Variants in GAS7 observed in about 807,000 individuals in gnomAD.
GAS7 encodes the protein growth arrest specific 7.
GAS7 carries 28 observed loss-of-function variants against 71.1 expected under a neutral mutation model. The observed-to-expected ratio is 0.39, with a 90% confidence interval of 0.29 to 0.54. GAS7 has a LOEUF of 0.54. Among genes scored for constraint, GAS7 ranks in the 20% least tolerant of loss-of-function variants. GAS7 has a pLI of 0.62. For missense variants in GAS7, 436 were observed against 627.8 expected (o/e 0.69, Z 3.27); for synonymous variants, 258 against 245.8 (o/e 1.05, Z -0.46).
chr17:10,162,688 G>A (rs1285754441), intron 1 of GAS7, among the ~76,000 whole-genome samples: 2 of 152,200 alleles, frequency 1.3e-5, no homozygotes, highest in African/African-American at 4.8e-5. Flanking sequence ...CATAAAAGAA[G>A]AGCAGAAATT....
At chr17:9,936,603 G>A (rs1025353189) in intron 8 of GAS7, among the ~76,000 whole-genome samples, 3 of 152,264 alleles carry the variant, frequency 2.0e-5, no homozygotes, top group Non-Finnish European at 4.4e-5. Flanking sequence ...ATGCCTCCCT[G>A]CTCTCCAATA....
intron 1 of GAS7, among the ~76,000 whole-genome samples, chr17:10,130,093 C>T (rs1325971090): frequency 2.7e-5 from 4 of 150,086 alleles, no homozygotes; most frequent in Non-Finnish European, 5.9e-5. Flanking sequence ...CTCTTGGACC[C>T]GGGAGGTGGA....
chr17:9,991,299 G>A (rs536155646), intron 2 of GAS7, among the ~76,000 whole-genome samples: 2 of 152,236 alleles, frequency 1.3e-5, no homozygotes, highest in Middle Eastern at 3.4e-3. Context: ...GCAGTGTCAG[G>A]CTATCCCTTA....
intron 1 of GAS7, among the ~76,000 whole-genome samples, chr17:10,051,831 A>T (rs1429721224): frequency 4.6e-5 from 7 of 152,180 alleles, no homozygotes; most frequent in African/African-American, 1.7e-4. Context: ...GCTGGATAAC[A>T]GGCAGGAAAA....
At chr17:10,184,537 G>A (rs1336012322) in intron 1 of GAS7, among the ~76,000 whole-genome samples, 1 of 152,176 alleles carries the variant, frequency 6.6e-6, no homozygotes, top group Non-Finnish European at 1.5e-5. Flanking sequence ...ACCCCTAAGG[G>A]TATTCAAATG....
intron 1 of GAS7, among the ~76,000 whole-genome samples, chr17:10,021,269 G>A (rs2072255342): frequency 6.6e-6 from 1 of 152,130 alleles, no homozygotes; most frequent in Admixed American, 6.6e-5. Context: ...TGCCCATAGT[G>A]GTGGTCCCTG....
intron 1 of GAS7, among the ~76,000 whole-genome samples, chr17:10,052,533 C>T (rs977822546): frequency 6.6e-6 from 1 of 152,228 alleles, no homozygotes; most frequent in South Asian, 2.1e-4. Flanking sequence ...CAACTGAGTG[C>T]CACACACTGC....
intron 2 of GAS7, among the ~76,000 whole-genome samples, chr17:9,995,452 A>C (rs1188086242): frequency 1.3e-5 from 2 of 152,124 alleles, no homozygotes; most frequent in Non-Finnish European, 2.9e-5. Context: ...TGTGGTATGA[A>C]CTACCTATCA....
chr17:10,154,193 C>T (rs1018998415), intron 1 of GAS7, among the ~76,000 whole-genome samples: 1 of 151,906 alleles, frequency 6.6e-6, no homozygotes, highest in Admixed American at 6.6e-5. Flanking sequence ...TTAAAATATA[C>T]ATATTAAAAA....
At chr17:10,162,151 G>A (rs1038851274) in intron 1 of GAS7, among the ~76,000 whole-genome samples, 5 of 150,352 alleles carry the variant, frequency 3.3e-5, no homozygotes, top group African/African-American at 1.2e-4. Flanking sequence ...TGCTAATATC[G>A]CCCAGGCACA....
At position 9,935,262 on chromosome 17, in the gene GAS7, C is replaced by G. The variant is rs144924795; in HGVS notation, c.807-1018G>C. 7.7e-4 allele frequency among the ~76,000 whole-genome samples: 117 copies of G among 152,342 alleles called. 1 individual carries two copies. Among genetic ancestry groups the G allele is most frequent in the African/African-American group, 2.7e-3 (113 of 41,582 alleles). Reference sequence around the variant, plus strand: ...GAGCCCTGATGCTGCCCACAGCTTACTAGAGAAGGGCCAAGTCCTCTTAGC... The same window carrying G: ...GAGCCCTGATGCTGCCCACAGCTTAGTAGAGAAGGGCCAAGTCCTCTTAGC... On this transcript the variant is annotated intron_variant, in intron 8 of 13. Transcript: ENST00000432992.
intron 1 of GAS7, among the ~76,000 whole-genome samples, chr17:10,152,483 A>G: frequency 6.6e-6 from 1 of 152,208 alleles, no homozygotes; most frequent in South Asian, 2.1e-4. Context: ...TAGAGTTCCC[A>G]GTACTTAGCT....
Position 9,969,972 on chromosome 17 carries a change from CT to C in GAS7, c.386-211del, listed in dbSNP as rs2069892455. 6.6e-6 allele frequency among the ~76,000 whole-genome samples: 1 copy of C among 152,198 alleles called. No homozygotes were observed. The highest frequency in any genetic ancestry group is 2.4e-5 in the African/African-American group (1 of 41,442). On this transcript the variant is annotated intron_variant, in intron 3 of 13. Coordinates refer to ENST00000432992, the MANE Select transcript of GAS7 (RefSeq NM_201433.2). This position sits in a 1 kb window ranked among gnomAD's most constrained non-coding sequence, Gnocchi z 5.5. ...TCTCTAATCCTCAGCACCCAAATTA[CT>C]GAATTCTTAGGGGACTGAGTTTCTT... is the stretch of plus-strand genomic sequence containing the variant.
At position 9,969,736 on chromosome 17, in the gene GAS7, G is replaced by T. The variant is rs775313395; in HGVS notation, c.412C>A (p.Pro138Thr). Residue 138 changes from proline (P) to threonine (T), a missense_variant, in exon 4 of 14, where the codon CCA (proline) becomes ACA (threonine). Coordinates refer to ENST00000432992, the MANE Select transcript of GAS7 (RefSeq NM_201433.2). This position sits in a 1 kb window ranked among gnomAD's most constrained non-coding sequence, Gnocchi z 5.5. ...TVNGYHASGT[P>T]AHPPETAHMS... ...TGGGCAGTCTCTGGAGGGTGCGCTG[G>T]GGTCCCTGATGCGTGGTATCCATTC... 1.2e-6 allele frequency: 2 copies of T among 1,612,084 alleles called. No homozygotes were observed. The highest frequency in any genetic ancestry group is 3.3e-5 in the Admixed American group (2 of 60,006).
intron 4 of GAS7, among the ~76,000 whole-genome samples, chr17:9,963,730 T>A (rs930341762): frequency 6.6e-6 from 1 of 152,050 alleles, no homozygotes; most frequent in Admixed American, 6.5e-5. Context: ...AGACCCCATC[T>A]CTCTCTTTTT....
chr17:10,081,158 GT>G (rs971092559), intron 1 of GAS7, among the ~76,000 whole-genome samples: 9 of 150,390 alleles, frequency 6.0e-5, no homozygotes, highest in African/African-American at 1.5e-4. Flanking sequence ...CACCATAAGA[GT>G]TTTTTTTTTC....
intron 2 of GAS7, among the ~76,000 whole-genome samples, chr17:10,014,545 C>T (rs543003425): frequency 3.9e-5 from 6 of 152,254 alleles, no homozygotes; most frequent in African/African-American, 1.4e-4. Context: ...CAAACACATC[C>T]GCTGTTTTTC....
intron 1 of GAS7, among the ~76,000 whole-genome samples, chr17:10,174,678 C>T (rs150540598): frequency 1.3e-5 from 2 of 151,534 alleles, no homozygotes; most frequent in East Asian, 1.9e-4. Flanking sequence ...GGCGGCAGAG[C>T]GAGACTCCGT....
chr17:10,078,711 G>C (rs1377723041), intron 1 of GAS7, among the ~76,000 whole-genome samples: 2 of 152,140 alleles, frequency 1.3e-5, no homozygotes, highest in African/African-American at 4.8e-5. Context: ...TAGACAGTGT[G>C]TAAAATTGGT....
Sources: gnomAD v4.1 joint callset for allele counts (sites outside exome capture counted in the v4.1 genomes callset) on GRCh38, gnomAD v4.1.1 for gene constraint, Gnocchi (gnomAD v3.1) non-coding constraint, MANE v1.5 for transcripts, NCBI Gene and HGNC (gene_info 2026-07-23, HGNC 2026-07-21) for gene names.